Variants in ST6GALNAC3 observed in about 807,000 individuals in gnomAD.
The protein encoded by ST6GALNAC3 is ST6 N-acetylgalactosaminide alpha-2,6-sialyltransferase 3.
ST6GALNAC3 carries 25 observed loss-of-function variants against 32.7 expected under a neutral mutation model. That is an observed-to-expected ratio of 0.76 (90% CI 0.56 to 1.07). The LOEUF is 1.07. ST6GALNAC3 is among the 50% of genes least tolerant of loss of function. The pLI, the probability that ST6GALNAC3 is intolerant of heterozygous loss-of-function variation, is 0.00. For synonymous variants in ST6GALNAC3, 129 were observed against 133.1 expected (o/e 0.97, Z 0.21); for missense variants, 355 against 382.4 (o/e 0.93, Z 0.60).
At chr1:76,318,164 A>AT (rs1404060122) in intron 2 of ST6GALNAC3, among the ~76,000 whole-genome samples, 2 of 152,168 alleles carry the variant, frequency 1.3e-5, no homozygotes, top group East Asian at 1.9e-4. Flanking sequence ...CAAGCTGTTT[A>AT]TTTTTTTCCC....
At chr1:76,140,629 CTTTTT>C (rs55680590) in intron 1 of ST6GALNAC3, among the ~76,000 whole-genome samples, 3 of 119,248 alleles carry the variant, frequency 2.5e-5, no homozygotes, top group Non-Finnish European at 3.6e-5. Context: ...TTCTTTCTTT[CTTTTT>C]TTTTTTTTTT....
At chr1:76,624,357 G>T (rs773806015) in intron 3 of ST6GALNAC3, among the ~76,000 whole-genome samples, 1 of 151,844 alleles carries the variant, frequency 6.6e-6, no homozygotes, top group Non-Finnish European at 1.5e-5. Flanking sequence ...CTTTTCCTGT[G>T]CTAAAGAGAA....
At chr1:76,175,382 G>A (rs1652786127) in intron 1 of ST6GALNAC3, among the ~76,000 whole-genome samples, 2 of 151,872 alleles carry the variant, frequency 1.3e-5, no homozygotes, top group Admixed American at 1.3e-4. Context: ...GTTTTTATTT[G>A]CATTTCTTTG....
intron 1 of ST6GALNAC3, among the ~76,000 whole-genome samples, chr1:76,084,808 A>G (rs1646944249): frequency 6.6e-6 from 1 of 152,172 alleles, no homozygotes; most frequent in Admixed American, 6.5e-5. Context: ...CATTTTTCTC[A>G]TGAGATGAAC....
chr1:76,582,270 C>T (rs1646902365), intron 3 of ST6GALNAC3, among the ~76,000 whole-genome samples: 1 of 152,100 alleles, frequency 6.6e-6, no homozygotes, highest in African/African-American at 2.4e-5. Context: ...AATGAAAGTT[C>T]AAACCTAGTT....
intron 2 of ST6GALNAC3, among the ~76,000 whole-genome samples, chr1:76,401,024 A>C (rs191285896): frequency 6.6e-6 from 1 of 152,170 alleles, no homozygotes; most frequent in Non-Finnish European, 1.5e-5. Flanking sequence ...ATGAAGCTTT[A>C]CTATAATGTT....
chr1:76,111,934 C>A (rs868441581), intron 1 of ST6GALNAC3, among the ~76,000 whole-genome samples: 1 of 152,074 alleles, frequency 6.6e-6, no homozygotes, highest in African/African-American at 2.4e-5. Context: ...ATCATGGCCC[C>A]TTCTCAATGA....
intron 1 of ST6GALNAC3, among the ~76,000 whole-genome samples, chr1:76,296,231 A>G (rs1468663842): frequency 2.0e-5 from 3 of 152,064 alleles, no homozygotes; most frequent in East Asian, 3.8e-4. Context: ...TGGAGGAAAA[A>G]GAATGAAAAC....
At position 76,455,672 on chromosome 1, in the gene ST6GALNAC3, C is replaced by T. The variant is rs151003460; in HGVS notation, c.623+43255C>T. On this transcript the variant is annotated intron_variant, in intron 3 of 4. Transcript: ENST00000328299. ...AGGGAAAAAATTTTTTGCCTTCTCT[C>T]TGGGAGAGGACTACAGTTGCATGCC... Among the ~76,000 whole-genome samples, 225 of 152,270 alleles carry T rather than the reference C, an allele frequency of 1.5e-3. 1 individual carries two copies. The highest frequency in any genetic ancestry group is 5.0e-3 in the African/African-American group (209 of 41,566).
chr1:76,124,496 C>CA (rs572275491), intron 1 of ST6GALNAC3, among the ~76,000 whole-genome samples: 60 of 152,268 alleles, frequency 3.9e-4, no homozygotes, highest in African/African-American at 1.3e-3. Context: ...GGATGTGCCG[C>CA]ACTCCACCGA....
At chr1:76,606,811 A>G (rs1329913551) in intron 3 of ST6GALNAC3, among the ~76,000 whole-genome samples, 1 of 151,750 alleles carries the variant, frequency 6.6e-6, no homozygotes, top group African/African-American at 2.4e-5. Flanking sequence ...AAAGAAAAAA[A>G]TGTTTCTCTA....
At chr1:76,075,799 G>A (rs1337625925) in intron 1 of ST6GALNAC3, among the ~76,000 whole-genome samples, 1 of 151,950 alleles carries the variant, frequency 6.6e-6, no homozygotes, top group Non-Finnish European at 1.5e-5. Context: ...CCTGGGCCTT[G>A]ACTGGAGAAT....
At chr1:76,081,306 G>C (rs991446737) in intron 1 of ST6GALNAC3, among the ~76,000 whole-genome samples, 4 of 130,590 alleles carry the variant, frequency 3.1e-5, no homozygotes, top group Non-Finnish European at 6.4e-5. Context: ...AAAAAAAAAA[G>C]CAAATCGCAA....
intron 3 of ST6GALNAC3, among the ~76,000 whole-genome samples, chr1:76,434,635 G>C (rs1208344087): frequency 6.6e-6 from 1 of 152,026 alleles, no homozygotes; most frequent in Non-Finnish European, 1.5e-5. Flanking sequence ...AGAGGTTAAA[G>C]TTAAAAAGTT....
At chr1:76,279,289 G>T (rs1485927959) in intron 1 of ST6GALNAC3, among the ~76,000 whole-genome samples, 1 of 152,186 alleles carries the variant, frequency 6.6e-6, no homozygotes, top group Middle Eastern at 3.2e-3. Context: ...AAAGCTTATG[G>T]CTGCGAAAAG....
chr1:76,575,885 G>A lies in ST6GALNAC3; in HGVS notation c.624-51567G>A, dbSNP rs547413834. 3.9e-5 allele frequency among the ~76,000 whole-genome samples: 6 copies of A among 151,950 alleles called. No homozygotes were observed. In the South Asian group the frequency reaches 1.2e-3, roughly 32 times the overall value. ...AAAGCTGTGTGTCAGATCCCATATG[G>A]GGGCTCTAAGATCTAATTTTACTTA... On this transcript the variant is annotated intron_variant, in intron 3 of 4. Transcript: ENST00000328299.
chr1:76,524,735 A>G (rs2101801317), intron 3 of ST6GALNAC3, among the ~76,000 whole-genome samples: 1 of 150,906 alleles, frequency 6.6e-6, no homozygotes, highest in South Asian at 2.1e-4. Context: ...TTTTTTACAG[A>G]ACGTGGTATA....
rs113193142 is a variant in ST6GALNAC3 at position 76,208,176 on chromosome 1, C to G, written c.19-105629C>G. Among the ~76,000 whole-genome samples the G allele has an allele frequency of 5.4e-4, 82 of 152,340 alleles. 2 individuals carry two copies. Among genetic ancestry groups the G allele is most frequent in the African/African-American group, 2.0e-3 (82 of 41,584 alleles). On this transcript the variant is annotated intron_variant, in intron 1 of 4. Coordinates refer to ENST00000328299, the MANE Select transcript of ST6GALNAC3 (RefSeq NM_152996.4). ...TACCAAGACCTATGGCCTGGGCCTGCCCTCCTGAGGTCTGCCTGGCACCAC... is the reference window on the plus strand; with the variant it reads ...TACCAAGACCTATGGCCTGGGCCTGGCCTCCTGAGGTCTGCCTGGCACCAC...
intron 3 of ST6GALNAC3, among the ~76,000 whole-genome samples, chr1:76,423,144 C>T (rs553311390): frequency 1.2e-4 from 19 of 152,048 alleles, no homozygotes; most frequent in South Asian, 1.0e-3. Flanking sequence ...TTCCTTCTGC[C>T]GTGTAGTTCA....
Sources: allele counts gnomAD v4.1 joint callset (sites outside exome capture counted in the v4.1 genomes callset), GRCh38; gene constraint gnomAD v4.1.1; transcripts MANE v1.5; gene names NCBI Gene and HGNC (gene_info 2026-07-23, HGNC 2026-07-21).